Variants in IL1RAPL1 observed in about 807,000 individuals in gnomAD.
The protein encoded by IL1RAPL1 is interleukin 1 receptor accessory protein like 1, also known as interleukin-1 receptor accessory protein-like 1.
Under a neutral mutation model 48.4 loss-of-function variants are expected in IL1RAPL1, and 3 were observed. The observed-to-expected ratio is 0.06, with a 90% CI of 0.03 to 0.16. IL1RAPL1 has a LOEUF of 0.16. Among genes scored for constraint, IL1RAPL1 ranks in the 10% least tolerant of loss-of-function variants. IL1RAPL1 has a pLI of 1.00. For synonymous variants in IL1RAPL1, 185 were observed against 187.7 expected (o/e 0.99, Z 0.12); for missense variants, 349 against 530.6 (o/e 0.66, Z 3.36).
intron 9 of IL1RAPL1, among the ~76,000 whole-genome samples, chrX:29,948,230 CACAGAT>C (rs1933249099): frequency 9.0e-6 from 1 of 110,760 alleles, no homozygotes; most frequent in Non-Finnish European, 1.9e-5. Context: ...TACTTTATAC[CACAGAT>C]ATTTTAACTA....
chrX:29,918,673 G>A (rs183536943), intron 7 of IL1RAPL1, among the ~76,000 whole-genome samples: 2 of 111,046 alleles, frequency 1.8e-5, no homozygotes, highest in Non-Finnish European at 3.8e-5. Flanking sequence ...TGTGTTTATC[G>A]CCTTTCTTAG....
chrX:29,806,642 A>G (rs1474801932), intron 6 of IL1RAPL1, among the ~76,000 whole-genome samples: 1 of 111,362 alleles, frequency 9.0e-6, no homozygotes, highest in Non-Finnish European at 1.9e-5. Flanking sequence ...GATGGCCCTG[A>G]AATTGACTTT....
At chrX:28,863,470 G>A (rs1471307571) in intron 2 of IL1RAPL1, among the ~76,000 whole-genome samples, 1 of 103,478 alleles carries the variant, frequency 9.7e-6, no homozygotes, top group African/African-American at 3.6e-5. Flanking sequence ...GAAAGTGACA[G>A]GTTTCCTGCT....
chrX:28,689,477 C>T (rs925805365), intron 1 of IL1RAPL1, among the ~76,000 whole-genome samples: 1 of 111,512 alleles, frequency 9.0e-6, no homozygotes, highest in Non-Finnish European at 1.9e-5. Flanking sequence ...GTCAATTAAA[C>T]CTCTTTCCTT....
In IL1RAPL1 at chrX:29,140,921, A is replaced by G. The variant is rs1299371796; in HGVS notation, c.83-142017A>G. Among the ~76,000 whole-genome samples the G allele has an allele frequency of 2.1e-4, 23 of 111,393 alleles. No individual in the cohort carries two copies. The Admixed American group carries it at 2.2e-3, about 11-fold the overall frequency. On this transcript the variant is annotated intron_variant, in intron 2 of 10. Transcript: ENST00000378993. ...GTTACATTGGTGATTAGGTTTCAACATATGAGTTTTGAGAGGACACAGTCA... is the reference window on the plus strand; with the variant it reads ...GTTACATTGGTGATTAGGTTTCAACGTATGAGTTTTGAGAGGACACAGTCA...
chrX:28,617,192 A>G (rs1290867395), intron 1 of IL1RAPL1, among the ~76,000 whole-genome samples: 4 of 111,831 alleles, frequency 3.6e-5, no homozygotes, highest in Admixed American at 9.5e-5. Context: ...AGGTGCTACA[A>G]TGGCTGATTC....
chrX:29,502,077 C>A (rs183413785), intron 5 of IL1RAPL1, among the ~76,000 whole-genome samples: 95 of 110,529 alleles, frequency 8.6e-4, no homozygotes, highest in African/African-American at 2.9e-3. Context: ...ATTTTATATT[C>A]TTTGTAGCTA....
At chrX:28,712,394 G>A (rs182208053) in intron 1 of IL1RAPL1, among the ~76,000 whole-genome samples, 2 of 110,000 alleles carry the variant, frequency 1.8e-5, no homozygotes, top group East Asian at 2.9e-4. Context: ...CCAATTCCCC[G>A]AATGACTAAG....
intron 6 of IL1RAPL1, among the ~76,000 whole-genome samples, chrX:29,849,996 T>C (rs1601851069): frequency 9.0e-6 from 1 of 111,652 alleles, no homozygotes; most frequent in East Asian, 2.8e-4. Context: ...CTCCTCAAAC[T>C]TTCCCACTCT....
intron 2 of IL1RAPL1, among the ~76,000 whole-genome samples, chrX:29,012,264 G>T (rs1240565690): frequency 8.9e-6 from 1 of 112,360 alleles, no homozygotes; most frequent in Non-Finnish European, 1.9e-5. Context: ...AGGCCCTGGC[G>T]GGGTGAGGTG....
At chrX:29,448,455 A>G (rs1445101825) in intron 5 of IL1RAPL1, among the ~76,000 whole-genome samples, 1 of 112,285 alleles carries the variant, frequency 8.9e-6, no homozygotes, top group African/African-American at 3.2e-5. Context: ...CTGTTGATTG[A>G]AATAGTAAAA....
chrX:29,328,569 A>G (rs897321878), intron 3 of IL1RAPL1, among the ~76,000 whole-genome samples: 12 of 109,966 alleles, frequency 1.1e-4, no homozygotes, highest in Non-Finnish European at 1.7e-4. Flanking sequence ...ACAGGTAACA[A>G]CTTCATGAAA....
chrX:29,236,551 T>C (rs1417392460), intron 2 of IL1RAPL1, among the ~76,000 whole-genome samples: 1 of 30,803 alleles, frequency 3.2e-5, no homozygotes. Context: ...TTTTCTTTTT[T>C]TTTTTTTTTT....
At position 29,128,116 on chromosome X, in the gene IL1RAPL1, G is replaced by A. The variant is rs552221612; in HGVS notation, c.83-154822G>A. On this transcript the variant is annotated intron_variant, in intron 2 of 10. Coordinates refer to ENST00000378993, the MANE Select transcript of IL1RAPL1 (RefSeq NM_014271.4). ...CACAAATTACTTATTAGTTGCATAG[G>A]AAAAATAATAACTATACATTGAGGA... is the stretch of plus-strand genomic sequence containing the variant. Among the ~76,000 whole-genome samples the A allele has an allele frequency of 8.4e-4, 93 of 111,116 alleles. No homozygotes were observed. In the South Asian group the frequency reaches 0.016, roughly 20 times the overall value.
intron 3 of IL1RAPL1, among the ~76,000 whole-genome samples, chrX:29,387,215 C>G (rs1307371304): frequency 8.9e-6 from 1 of 112,082 alleles, no homozygotes; most frequent in South Asian, 3.7e-4. Context: ...GCCTGTGATT[C>G]TCTTCTTCAG....
intron 6 of IL1RAPL1, among the ~76,000 whole-genome samples, chrX:29,823,614 C>G (rs753685718): frequency 9.8e-5 from 11 of 111,890 alleles, no homozygotes; most frequent in Non-Finnish European, 1.5e-4. Flanking sequence ...ATGTATAAGA[C>G]TTTCTATAAA....
intron 2 of IL1RAPL1, among the ~76,000 whole-genome samples, chrX:29,019,390 G>C (rs887767722): frequency 9.0e-6 from 1 of 111,381 alleles, no homozygotes; most frequent in African/African-American, 3.3e-5. Context: ...CACTTTCAAA[G>C]GGCAAATTTT....
chrX:29,372,077 A>G (rs1933553643), intron 3 of IL1RAPL1, among the ~76,000 whole-genome samples: 1 of 112,342 alleles, frequency 8.9e-6, no homozygotes, highest in Non-Finnish European at 1.9e-5. Context: ...CCAGAGCCTC[A>G]TCAACATCTG....
intron 1 of IL1RAPL1, among the ~76,000 whole-genome samples, chrX:28,603,130 T>A (rs1934045094): frequency 8.9e-6 from 1 of 112,058 alleles, no homozygotes; most frequent in Non-Finnish European, 1.9e-5. Flanking sequence ...TGGATCATAC[T>A]GGAGTTGTAG....
Sources: gnomAD v4.1 joint callset for allele counts (sites outside exome capture counted in the v4.1 genomes callset) on GRCh38, gnomAD v4.1.1 for gene constraint, MANE v1.5 for transcripts, NCBI Gene and HGNC (gene_info 2026-07-23, HGNC 2026-07-21) for gene names.